ITGB5: variants seen among roughly 807,000 people sequenced by gnomAD.
The protein encoded by ITGB5 is integrin beta-5.
Under a neutral mutation model 84.8 loss-of-function variants are expected in ITGB5, and 38 were observed. That is an observed-to-expected ratio of 0.45 (90% confidence interval 0.35 to 0.59). ITGB5 has a LOEUF of 0.59. Among genes scored for constraint, ITGB5 ranks in the 20% least tolerant of loss-of-function variants. The pLI is 0.01. For synonymous variants in ITGB5, 393 were observed against 414.4 expected (o/e 0.95, Z 0.63); for missense variants, 905 against 1,034.5 (o/e 0.87, Z 1.72).
At chr3:124,890,973 G>T (rs1433701044), upstream of ITGB5, among the ~76,000 whole-genome samples, 2 of 151,652 alleles carry the variant, frequency 1.3e-5, no homozygotes, top group Admixed American at 6.6e-5. Context: ...TCACCTCGAG[G>T]CAAAACTCCC....
chr3:124,784,747 C>T (rs2064055917), intron 10 of ITGB5, among the ~76,000 whole-genome samples: 2 of 152,226 alleles, frequency 1.3e-5, no homozygotes, highest in South Asian at 4.1e-4. Flanking sequence ...AGGTCAACAC[C>T]TTAGGTTTGG....
intron 4 of ITGB5, among the ~76,000 whole-genome samples, chr3:124,843,715 C>T (rs1253357652): frequency 6.6e-6 from 1 of 152,166 alleles, no homozygotes; most frequent in Non-Finnish European, 1.5e-5. Context: ...AACCCCAGAG[C>T]AGCTGTCTGA....
chr3:124,775,437 A>G (rs1040539684), intron 10 of ITGB5, among the ~76,000 whole-genome samples: 2 of 151,886 alleles, frequency 1.3e-5, no homozygotes, highest in Admixed American at 1.3e-4. Flanking sequence ...CTGGAGTGTG[A>G]GCGTGCTGGA....
At chr3:124,807,258 A>G (rs1298416212) in intron 9 of ITGB5, among the ~76,000 whole-genome samples, 1 of 152,218 alleles carries the variant, frequency 6.6e-6, no homozygotes, top group Non-Finnish European at 1.5e-5. Flanking sequence ...TCTACTAAAA[A>G]TACATAAATT....
At chr3:124,859,150 G>T in intron 3 of ITGB5, 92 bp downstream of exon 3, 1 of 1,235,370 alleles carries the variant, frequency 8.1e-7, no homozygotes. Flanking sequence ...TCTCAGCCTG[G>T]CCTGACTCAT....
chr3:124,888,562 G>A (rs1356428274), upstream of ITGB5, among the ~76,000 whole-genome samples: 2 of 152,202 alleles, frequency 1.3e-5, no homozygotes, highest in African/African-American at 4.8e-5. Context: ...AGAGCACACT[G>A]CCAGCCAGGC....
At chr3:124,768,942 A>C in intron 12 of ITGB5, 71 bp downstream of exon 12, 1 of 1,248,648 alleles carries the variant, frequency 8.0e-7, no homozygotes, top group Admixed American at 1.8e-5. Flanking sequence ...CTCCTGACTC[A>C]AGGCTAAAAC....
At position 124,881,581 on chromosome 3, in the gene ITGB5, C is replaced by T. The variant is rs977121990; in HGVS notation, c.70+5350G>A. Among the ~76,000 whole-genome samples the T allele has an allele frequency of 4.6e-5, 7 of 152,092 alleles. No individual in the cohort carries two copies. In the South Asian group the frequency reaches 1.5e-3, roughly 32 times the overall value. ...GTTCTGTCACTTATTGGTTATGTGA[C>T]CTAGGGCAAGTCACTTAACCTTTCC... On this transcript the variant is annotated intron_variant, in intron 1 of 14. Transcript: ENST00000296181.
intron 5 of ITGB5, among the ~76,000 whole-genome samples, chr3:124,832,124 A>G (rs909462956): frequency 2.0e-5 from 3 of 152,196 alleles, no homozygotes; most frequent in Non-Finnish European, 4.4e-5. Flanking sequence ...AGAGTGGCAC[A>G]TGCAACTTTC....
chr3:124,890,452 G>A (rs766873550), upstream of ITGB5, among the ~76,000 whole-genome samples: 1 of 151,864 alleles, frequency 6.6e-6, no homozygotes, highest in Non-Finnish European at 1.5e-5. Context: ...TGATCCGCCC[G>A]CCTCGGCCTC....
chr3:124,776,590 A>C (rs540739908), intron 10 of ITGB5, among the ~76,000 whole-genome samples: 5 of 152,294 alleles, frequency 3.3e-5, no homozygotes, highest in African/African-American at 1.2e-4. Context: ...CCGTATTTTT[A>C]AAGATGCATT....
intron 10 of ITGB5, among the ~76,000 whole-genome samples, chr3:124,795,786 C>A (rs1417508255): frequency 2.6e-5 from 4 of 152,136 alleles, no homozygotes; most frequent in Non-Finnish European, 4.4e-5. Flanking sequence ...GAGCTGCAAG[C>A]CAAAGAATAC....
intron 9 of ITGB5, among the ~76,000 whole-genome samples, chr3:124,800,995 T>C (rs918853232): frequency 1.3e-5 from 2 of 152,234 alleles, no homozygotes; most frequent in African/African-American, 4.8e-5. Context: ...ACTGGCCTGA[T>C]GCACCCTTTC....
chr3:124,779,746 G>A (rs926566925), intron 10 of ITGB5, among the ~76,000 whole-genome samples: 20 of 152,244 alleles, frequency 1.3e-4, no homozygotes, highest in African/African-American at 4.6e-4. Flanking sequence ...GAGTTAGCTC[G>A]CTTAACCTCT....
At chr3:124,798,071 T>A (rs988695942) in intron 9 of ITGB5, among the ~76,000 whole-genome samples, 2 of 149,082 alleles carry the variant, frequency 1.3e-5, no homozygotes, top group Non-Finnish European at 3.0e-5. Context: ...TTTTTTTTTT[T>A]GAGGTGGAGT....
chr3:124,830,331 G>A (rs141979291), intron 5 of ITGB5, among the ~76,000 whole-genome samples: 1 of 152,252 alleles, frequency 6.6e-6, no homozygotes, highest in Non-Finnish European at 1.5e-5. Context: ...TGGCTCCATG[G>A]GAAGCCAACA....
intron 10 of ITGB5, among the ~76,000 whole-genome samples, chr3:124,794,269 C>T (rs1009504275): frequency 3.9e-5 from 6 of 152,240 alleles, no homozygotes; most frequent in Non-Finnish European, 7.4e-5. Flanking sequence ...TTAATCAGAA[C>T]GCAATACCAG....
At position 124,768,928 on chromosome 3, in the gene ITGB5, G is replaced by C. The variant is rs2063803173; in HGVS notation, c.2017+85C>G. On this transcript the variant is annotated intron_variant, in intron 12 of 14. Coordinates refer to ENST00000296181, the MANE Select transcript of ITGB5 (RefSeq NM_002213.5). ...CAGTTATGCCCAGGAAGCCTGGGCA[G>C]TGCCTCCTGACTCAAGGCTAAAACT... The C allele has an allele frequency of 2.9e-6, 3 of 1,029,268 alleles. No individual in the cohort carries two copies. In the South Asian group the frequency reaches 4.3e-5, roughly 15 times the overall value. 63.8% of individuals were successfully genotyped at this position (1,029,268 alleles called of 1,614,324 possible).
At chr3:124,798,733 T>C (rs1400437036) in intron 9 of ITGB5, among the ~76,000 whole-genome samples, 1 of 152,222 alleles carries the variant, frequency 6.6e-6, no homozygotes, top group Non-Finnish European at 1.5e-5. Flanking sequence ...GCCCACGATG[T>C]TCATTTTTTG....
Sources: allele counts gnomAD v4.1 joint callset (sites outside exome capture counted in the v4.1 genomes callset), GRCh38; gene constraint gnomAD v4.1.1; transcripts MANE v1.5; gene names NCBI Gene and HGNC (gene_info 2026-07-23, HGNC 2026-07-21).